Variants in KCNMB2 observed in about 807,000 individuals in gnomAD.
KCNMB2 encodes calcium-activated potassium channel subunit beta-2.
In KCNMB2, 9 loss-of-function variants were observed where a neutral mutation model predicts 24.5. The ratio of observed to expected loss-of-function variants is 0.37; its 90% confidence interval spans 0.22 to 0.64. KCNMB2 has a LOEUF of 0.64. Among genes scored for constraint, KCNMB2 ranks in the 30% least tolerant of loss-of-function variants. The probability of loss-of-function intolerance (pLI) is 0.63; values close to 1 mark genes in which losing one functional copy is unlikely to be tolerated. For synonymous variants in KCNMB2, 109 were observed against 104.4 expected, an observed-to-expected ratio of 1.04 and a Z score of -0.27; for missense variants, 226 against 284.3, an observed-to-expected ratio of 0.79 and a Z score of 1.47.
At position 178,812,325 on chromosome 3, in the gene KCNMB2, G is replaced by A. The variant is rs1714225186; in HGVS notation, c.56+4860G>A. Among the ~76,000 whole-genome samples the A allele has an allele frequency of 1.3e-5, 2 of 151,408 alleles. 1 individual carries two copies. Among genetic ancestry groups the A allele is most frequent in the Admixed American group, 1.3e-4 (2 of 15,200 alleles). ...ATATGTATACAGGTGCCATGATGGT[G>A]TGCTGCACCCATTAACTCGTCATTT... On this transcript the variant is annotated intron_variant, in intron 2 of 4. Coordinates refer to ENST00000452583, the MANE Select transcript of KCNMB2 (RefSeq NM_181361.3).
intron 1 of KCNMB2, among the ~76,000 whole-genome samples, chr3:178,568,593 T>C (rs756541459): frequency 1.3e-5 from 2 of 152,112 alleles, no homozygotes; most frequent in Non-Finnish European, 2.9e-5. Context: ...GTCACAGTAC[T>C]TCAAAGCTCT....
intron 1 of KCNMB2, among the ~76,000 whole-genome samples, chr3:178,548,294 G>T (rs1175760680): frequency 2.0e-5 from 3 of 152,062 alleles, no homozygotes; most frequent in African/African-American, 7.2e-5. Context: ...ATCTCTTTCT[G>T]CCCTGGGTTT....
chr3:178,727,590 G>A (rs756356081), intron 1 of KCNMB2, among the ~76,000 whole-genome samples: 8 of 152,142 alleles, frequency 5.3e-5, no homozygotes, highest in Non-Finnish European at 1.0e-4. Flanking sequence ...AGAGAGACAT[G>A]ACTAAGGAAG....
chr3:178,679,995 T>C (rs1021707218), intron 1 of KCNMB2, among the ~76,000 whole-genome samples: 1 of 151,988 alleles, frequency 6.6e-6, no homozygotes, highest in African/African-American at 2.4e-5. Flanking sequence ...GAGGACAGCA[T>C]AGAGTCTGAC....
At chr3:178,841,791 C>T (rs1715437989) in intron 4 of KCNMB2, among the ~76,000 whole-genome samples, 1 of 152,138 alleles carries the variant, frequency 6.6e-6, no homozygotes, top group Admixed American at 6.5e-5. Context: ...TATTACAATT[C>T]AAGTGAGATT....
intron 1 of KCNMB2, among the ~76,000 whole-genome samples, chr3:178,774,554 T>G (rs369990986): frequency 5.3e-5 from 8 of 152,152 alleles, no homozygotes; most frequent in South Asian, 2.1e-4. Flanking sequence ...CATGGGGACT[T>G]GAGCACTCTA....
At chr3:178,666,500 T>C (rs112089129) in intron 1 of KCNMB2, among the ~76,000 whole-genome samples, 9,553 of 152,168 alleles carry the variant, frequency 0.063, 299 homozygotes, top group Non-Finnish European at 0.074. Flanking sequence ...GGGTGTACAA[T>C]GAAAGGCCTC....
chr3:178,756,071 T>C (rs1724024381), intron 1 of KCNMB2, among the ~76,000 whole-genome samples: 1 of 152,150 alleles, frequency 6.6e-6, no homozygotes, highest in Non-Finnish European at 1.5e-5. Flanking sequence ...TTAAAAATCA[T>C]GTGACAAATC....
chr3:178,638,528 T>C (rs2108546009), intron 1 of KCNMB2, among the ~76,000 whole-genome samples: 1 of 152,330 alleles, frequency 6.6e-6, no homozygotes, highest in South Asian at 2.1e-4. Context: ...ATTTTCTGCC[T>C]CCAAACACCT....
chr3:178,583,305 T>C lies in KCNMB2; in HGVS notation c.-68+46594T>C, dbSNP rs554678270. 3.9e-5 allele frequency among the ~76,000 whole-genome samples: 6 copies of C among 152,334 alleles called. No individual in the cohort carries two copies. The South Asian group carries it at 1.2e-3, about 32-fold the overall frequency. The stretch of plus-strand genomic sequence containing the variant: ...GTTATTTGCATTCCACAAAGTAAGA[T>C]GAGCAATTACATCAGATTATACTAA... On this transcript the variant is annotated intron_variant, in intron 1 of 4. Coordinates refer to ENST00000452583, the MANE Select transcript of KCNMB2 (RefSeq NM_181361.3).
At chr3:178,714,765 T>C (rs1310979626) in intron 1 of KCNMB2, among the ~76,000 whole-genome samples, 3 of 152,112 alleles carry the variant, frequency 2.0e-5, no homozygotes, top group Admixed American at 1.3e-4. Context: ...TTTGGGAAAA[T>C]CTAATGTTCG....
At chr3:178,791,211 C>A (rs1713310966) in intron 1 of KCNMB2, among the ~76,000 whole-genome samples, 1 of 152,114 alleles carries the variant, frequency 6.6e-6, no homozygotes, top group Non-Finnish European at 1.5e-5. Flanking sequence ...TTTAAGGAAG[C>A]TCAATGGAAT....
chr3:178,712,207 C>A (rs1382434923), intron 1 of KCNMB2, among the ~76,000 whole-genome samples: 1 of 152,132 alleles, frequency 6.6e-6, no homozygotes, highest in Admixed American at 6.5e-5. Flanking sequence ...ACAAGAGTAA[C>A]ATATTTACTA....
chr3:178,820,008 C>A (rs879445896), intron 2 of KCNMB2, among the ~76,000 whole-genome samples: 1 of 152,054 alleles, frequency 6.6e-6, no homozygotes, highest in Non-Finnish European at 1.5e-5. Context: ...TAAAATACCA[C>A]TAAGATGAAT....
At chr3:178,731,552 T>G (rs1229505442) in intron 1 of KCNMB2, among the ~76,000 whole-genome samples, 1 of 152,192 alleles carries the variant, frequency 6.6e-6, no homozygotes, top group African/African-American at 2.4e-5. Context: ...ACAGACATTA[T>G]GTGTTCCCTG....
intron 1 of KCNMB2, among the ~76,000 whole-genome samples, chr3:178,778,203 A>T (rs1204867484): frequency 6.6e-6 from 1 of 152,194 alleles, no homozygotes; most frequent in African/African-American, 2.4e-5. Context: ...AAGGTGAAAA[A>T]GTTCAGAAAC....
At chr3:178,805,873 A>C (rs1713947809) in intron 1 of KCNMB2, among the ~76,000 whole-genome samples, 1 of 152,074 alleles carries the variant, frequency 6.6e-6, no homozygotes, top group Admixed American at 6.5e-5. Flanking sequence ...CCTGGACTCA[A>C]GCGATCCTCC....
chr3:178,800,471 A>G (rs1195226440), intron 1 of KCNMB2, among the ~76,000 whole-genome samples: 2 of 152,190 alleles, frequency 1.3e-5, no homozygotes, highest in East Asian at 1.9e-4. Context: ...TAAAACTACA[A>G]TGAGATATCG....
At chr3:178,666,744 G>A (rs145304266) in intron 1 of KCNMB2, among the ~76,000 whole-genome samples, 183 of 152,224 alleles carry the variant, frequency 1.2e-3, no homozygotes, top group Non-Finnish European at 2.0e-3. Context: ...GCTCTCCAGC[G>A]TTTCCTGTGA....
Sources: gnomAD v4.1 joint callset for allele counts (sites outside exome capture counted in the v4.1 genomes callset) on GRCh38, gnomAD v4.1.1 for gene constraint, MANE v1.5 for transcripts, NCBI Gene and HGNC (gene_info 2026-07-23, HGNC 2026-07-21) for gene names.